The following VPS13A variants were observed in gnomAD, a reference collection of about 807,000 sequenced individuals.
VPS13A encodes vacuolar protein sorting 13 homolog A.
Under a neutral mutation model 390.9 loss-of-function variants are expected in VPS13A, and 264 were observed. That is an observed-to-expected ratio of 0.68 (90% CI 0.61 to 0.75). The LOEUF (loss-of-function observed/expected upper bound fraction) is 0.75, where lower values mean the gene tolerates loss of function less well. Among genes scored for constraint, VPS13A ranks in the 30% least tolerant of loss-of-function variants. The pLI, the probability that VPS13A is intolerant of heterozygous loss-of-function variation, is 0.00. For missense variants in VPS13A, 3,409 were observed against 3,733.9 expected (o/e 0.91, Z 2.27); for synonymous variants, 1,231 against 1,227.1 (o/e 1.00, Z -0.07).
At chr9:77,338,061 A>T (rs1302604370) in intron 47 of VPS13A, 2 of 152,706 alleles carry the variant, frequency 1.3e-5, no homozygotes, top group Non-Finnish European at 2.9e-5. Flanking sequence ...CTGTAGTCTC[A>T]AACTTCTAGG....
chr9:77,212,716 T>C (rs1306443989), intron 7 of VPS13A, among the ~76,000 whole-genome samples: 1 of 152,206 alleles, frequency 6.6e-6, no homozygotes, highest in Non-Finnish European at 1.5e-5. Context: ...AAATGAGTAT[T>C]TAACTTCTGC....
chr9:77,338,141 A>G (rs1393946495), intron 47 of VPS13A: 1 of 151,722 alleles, frequency 6.6e-6, no homozygotes, highest in Non-Finnish European at 1.5e-5. Context: ...CCTGGATAAT[A>G]TTTTTTAATT....
intron 10 of VPS13A, 52 bp downstream of exon 10, chr9:77,214,438 T>TTTAAATTAGCATTGTTGCTATC (rs1172414463): frequency 1.1e-5 from 16 of 1,463,756 alleles, no homozygotes; most frequent in Non-Finnish European, 1.5e-5. Context: ...TGGTATAAAT[T>TTTAAATTAGCATTGTTGCTATC]TTAAATTAGC....
At position 77,246,132 on chromosome 9, in the gene VPS13A, A is replaced by C. The variant is rs1227681768; in HGVS notation, c.1901-1127A>C. Among the ~76,000 whole-genome samples the C allele has an allele frequency of 2.0e-5, 3 of 152,208 alleles. No individual in the cohort carries two copies. In the East Asian group the frequency reaches 5.8e-4, roughly 29 times the overall value. On this transcript the variant is annotated intron_variant, in intron 19 of 71. Coordinates refer to ENST00000360280, the MANE Select transcript of VPS13A (RefSeq NM_033305.3). ...CCAGCATTAAAAATCAGGTGTCAGC[A>C]TGAGTTTTGGAGGGCTAAAATCCCA...
intron 13 of VPS13A, among the ~76,000 whole-genome samples, chr9:77,222,909 C>T (rs984683717): frequency 3.9e-5 from 6 of 152,152 alleles, no homozygotes; most frequent in Non-Finnish European, 8.8e-5. Context: ...GTGCCAATCA[C>T]CAAGTTTTGG....
At position 77,366,747 on chromosome 9, in the gene VPS13A, G is replaced by T; in HGVS notation, c.8346G>T (p.Leu2782=). 1 of 1,612,674 alleles carries T rather than the reference G, an allele frequency of 6.2e-7. No homozygotes were observed. ...SPIKLHLSVS[L]SSGREEAKDS... ...TTTAGTTACATTTAAGTGTTTCACT[G>T]AGTTCCGGCAGAGAAGAAGCTAAAG... Residue 2782 remains leucine, a synonymous_variant, in exon 61 of 72, where the codon CTG becomes CTT. Coordinates refer to ENST00000360280, the MANE Select transcript of VPS13A (RefSeq NM_033305.3).
intron 17 of VPS13A, among the ~76,000 whole-genome samples, chr9:77,235,573 T>C (rs1824097021): frequency 6.6e-6 from 1 of 152,154 alleles, no homozygotes; most frequent in Non-Finnish European, 1.5e-5. Context: ...ATGTATAAAT[T>C]TGTGTTCTTT....
At chr9:77,279,978 G>T (rs1372129599) in intron 26 of VPS13A, 181 bp from the exon 27 acceptor site, 1 of 480,198 alleles carries the variant, frequency 2.1e-6, no homozygotes, top group Non-Finnish European at 3.8e-6. Flanking sequence ...ATTGTGAGGA[G>T]AAATTAAATT....
rs1828479848 is a variant in VPS13A, at chr9:77,303,115, G to A, written c.3960+53G>A. ...TTTGTTTTGCTTGTTGAAAAATACT[G>A]CTTGGGGACATAAGGCATCATTTGA... is the stretch of plus-strand genomic sequence containing the variant. On this transcript the variant is annotated intron_variant, in intron 34 of 71. Coordinates refer to ENST00000360280, the MANE Select transcript of VPS13A (RefSeq NM_033305.3). The A allele has an allele frequency of 1.9e-5, 31 of 1,593,572 alleles. No homozygotes were observed. The South Asian group carries it at 3.1e-4, about 16-fold the overall frequency.
intron 68 of VPS13A, among the ~76,000 whole-genome samples, chr9:77,394,894 T>C (rs1834061047): frequency 6.6e-6 from 1 of 152,230 alleles, no homozygotes; most frequent in Non-Finnish European, 1.5e-5. Flanking sequence ...AGCCTTCATA[T>C]AATTGAAGAT....
chr9:77,307,393 G>T (rs746177716), intron 34 of VPS13A, among the ~76,000 whole-genome samples: 2 of 152,188 alleles, frequency 1.3e-5, no homozygotes. Context: ...TGAGGCTGCA[G>T]TGAGCTAGGA....
intron 7 of VPS13A, among the ~76,000 whole-genome samples, chr9:77,212,195 T>C (rs73464092): frequency 6.4e-4 from 98 of 152,304 alleles, no homozygotes; most frequent in African/African-American, 2.2e-3. Context: ...TTTTCATTGC[T>C]CTTAGTTTTA....
intron 20 of VPS13A, among the ~76,000 whole-genome samples, chr9:77,247,668 C>T (rs918272289): frequency 3.9e-5 from 6 of 151,986 alleles, no homozygotes; most frequent in Non-Finnish European, 8.8e-5. Flanking sequence ...GATTGATTGA[C>T]TGATTGATTT....
chr9:77,242,638 C>G (rs568735986), intron 19 of VPS13A, among the ~76,000 whole-genome samples: 5 of 151,872 alleles, frequency 3.3e-5, no homozygotes, highest in Non-Finnish European at 5.9e-5. Context: ...AGCATAAGAT[C>G]AGGCTACTTC....
Position 77,314,489 on chromosome 9 carries a change from TC to T in VPS13A, c.4243-5del. ...TGTAATTTTGTGTTGGTTTCTCCTT[TC>T]ATAGGCTTCCTTTACAGATGTTCGT... On this transcript the variant is annotated splice_polypyrimidine_tract_variant and splice_region_variant and intron_variant, in intron 36 of 71. Transcript: ENST00000360280. 1 of 1,611,256 alleles carries T rather than the reference TC, an allele frequency of 6.2e-7. No individual in the cohort carries two copies. The highest frequency in any genetic ancestry group is 8.5e-7 in the Non-Finnish European group (1 of 1,178,950).
At chr9:77,324,934 A>T (rs936695043) in intron 45 of VPS13A, among the ~76,000 whole-genome samples, 15 of 152,102 alleles carry the variant, frequency 9.9e-5, no homozygotes, top group African/African-American at 3.6e-4. Flanking sequence ...GTTTCATGGA[A>T]GACAATTTTT....
At chr9:77,277,292 A>G (rs1828184923) in intron 26 of VPS13A, among the ~76,000 whole-genome samples, 1 of 152,210 alleles carries the variant, frequency 6.6e-6, no homozygotes, top group African/African-American at 2.4e-5. Flanking sequence ...GAGCAGTTTT[A>G]GATCATGGGA....
rs1213545474 is a variant in VPS13A, at chr9:77,368,141, G to C, written c.8553+5G>C. 1 of 1,608,006 alleles carries C rather than the reference G, an allele frequency of 6.2e-7. No individual in the cohort carries two copies. ...ATAAGACACTATTCAAAACAGGTTT[G>C]TCTAAGATTATATTACAGAGGGACA... On this transcript the variant is annotated splice_donor_5th_base_variant and intron_variant, in intron 62 of 71. Coordinates refer to ENST00000360280, the MANE Select transcript of VPS13A (RefSeq NM_033305.3).
intron 54 of VPS13A, among the ~76,000 whole-genome samples, chr9:77,354,859 A>T (rs568763337): frequency 5.3e-4 from 81 of 152,224 alleles, no homozygotes; most frequent in African/African-American, 1.9e-3. Context: ...TGCTGTACTG[A>T]CATACTCTCA....
Sources: allele counts gnomAD v4.1 joint callset (sites outside exome capture counted in the v4.1 genomes callset), GRCh38; gene constraint gnomAD v4.1.1; transcripts MANE v1.5; gene names NCBI Gene and HGNC (gene_info 2026-07-23, HGNC 2026-07-21).